The following ADCY3 variants were observed in gnomAD, a reference collection of about 807,000 sequenced individuals.
ADCY3 encodes adenylate cyclase 3.
Under a neutral mutation model 119.4 loss-of-function variants are expected in ADCY3, and 70 were observed. The ratio of observed to expected loss-of-function variants is 0.59; its 90% CI spans 0.48 to 0.72. The LOEUF is 0.72. ADCY3 is among the 30% of genes least tolerant of loss of function. ADCY3 has a pLI of 0.00. For missense variants in ADCY3, 1,238 were observed against 1,541.6 expected, an observed-to-expected ratio of 0.80 and a Z score of 3.30; for synonymous variants, 672 against 621.4, an observed-to-expected ratio of 1.08 and a Z score of -1.21.
At chr2:24,851,223 A>G (rs772649477) in intron 3 of ADCY3, among the ~76,000 whole-genome samples, 41 of 151,998 alleles carry the variant, frequency 2.7e-4, no homozygotes, top group Admixed American at 2.1e-3. Flanking sequence ...AGGAGGGGGA[A>G]CCTATGGCCA....
chr2:24,855,014 C>T (rs1406488047), intron 3 of ADCY3, among the ~76,000 whole-genome samples: 1 of 152,090 alleles, frequency 6.6e-6, no homozygotes, highest in Non-Finnish European at 1.5e-5. Flanking sequence ...TGCGCCACTG[C>T]ACTCCAGCCT....
intron 3 of ADCY3, among the ~76,000 whole-genome samples, chr2:24,863,563 T>C (rs1023896862): frequency 7.9e-5 from 12 of 152,226 alleles, no homozygotes; most frequent in African/African-American, 2.9e-4. Flanking sequence ...ATCAGTCTTT[T>C]ATTTTAGAGA....
At chr2:24,827,312 C>T (rs1024596898) in intron 15 of ADCY3, among the ~76,000 whole-genome samples, 17 of 152,204 alleles carry the variant, frequency 1.1e-4, no homozygotes, top group Admixed American at 6.5e-4. Context: ...TTTCCTGCTG[C>T]CTGTCTGTCC....
rs1262530073 is a variant in ADCY3 at position 24,878,846 on chromosome 2, C to T, written c.676-6127G>A. On this transcript the variant is annotated intron_variant, in intron 2 of 21. Transcript: ENST00000679454. The surrounding 1 kb of genome is among the most constrained non-coding windows in gnomAD (Gnocchi z 4.0). The stretch of plus-strand genomic sequence containing the variant: ...CCCCTCAGAGGCCTTCCCTGCCCAC[C>T]CCTACTCATTCTCCAGTCCTGCTTT... Among the ~76,000 whole-genome samples the T allele has an allele frequency of 2.6e-5, 4 of 152,186 alleles. No homozygotes were observed. Among genetic ancestry groups the T allele is most frequent in the Non-Finnish European group, 5.9e-5 (4 of 68,028 alleles).
In ADCY3 at chr2:24,840,001, C is replaced by T. The variant is rs1670808260; in HGVS notation, c.1227G>A (p.Val409=). The change falls in exon 7 of 22, where the codon GTG becomes GTA. Residue 409 remains valine, a synonymous_variant. Coordinates refer to ENST00000679454, the MANE Select transcript of ADCY3 (RefSeq NM_004036.5). ...SYVREKTKTG[V]DMRVGVHTGT... The stretch of plus-strand genomic sequence containing the variant: ...CCGTGTGCACCCCCACACGCATGTC[C>T]ACCCCAGTCTTGGTCTTCTCCCGCA... 6.2e-7 allele frequency: 1 copy of T among 1,613,532 alleles called. No homozygotes were observed. The highest frequency in any genetic ancestry group is 8.5e-7 in the Non-Finnish European group (1 of 1,179,770).
At chr2:24,860,532 C>A (rs757856191) in intron 3 of ADCY3, among the ~76,000 whole-genome samples, 1 of 152,170 alleles carries the variant, frequency 6.6e-6, no homozygotes, top group Non-Finnish European at 1.5e-5. Flanking sequence ...GCTCCACTAC[C>A]TCCCTGAAGG....
intron 2 of ADCY3, among the ~76,000 whole-genome samples, chr2:24,894,760 A>G (rs1465787699): frequency 6.6e-6 from 1 of 151,898 alleles, no homozygotes; most frequent in East Asian, 1.9e-4. Context: ...TTCTGCCTAA[A>G]AAACTTGCCT....
intron 3 of ADCY3, among the ~76,000 whole-genome samples, chr2:24,857,588 C>T (rs573398451): frequency 2.1e-4 from 32 of 152,286 alleles, no homozygotes; most frequent in Admixed American, 9.1e-4. Context: ...CAAGTGGCTA[C>T]CATACTGCTA....
chr2:24,839,117 T>A (rs1018053515), intron 7 of ADCY3, among the ~76,000 whole-genome samples: 1 of 152,142 alleles, frequency 6.6e-6, no homozygotes. Context: ...TAATTCTGTA[T>A]TTTTAGTAGA....
At position 24,842,404 on chromosome 2, in the gene ADCY3, G is replaced by A; in HGVS notation, c.826-20C>T. The stretch of plus-strand genomic sequence containing the variant: ...GTTCTCCTGTGAGGGGCAGGAGAGG[G>A]TCAGAGGCAAAGGTAGGCCCTGCTA... On this transcript the variant is annotated intron_variant, in intron 3 of 21. Transcript: ENST00000679454. This position sits in a 1 kb window ranked among gnomAD's most constrained non-coding sequence, Gnocchi z 4.9. 1.9e-6 allele frequency: 3 copies of A among 1,614,002 alleles called. No homozygotes were observed. Among genetic ancestry groups the A allele is most frequent in the Non-Finnish European group, 2.5e-6 (3 of 1,179,962 alleles).
At chr2:24,873,111 C>A (rs1675234893) in intron 2 of ADCY3, among the ~76,000 whole-genome samples, 1 of 152,228 alleles carries the variant, frequency 6.6e-6, no homozygotes, top group Non-Finnish European at 1.5e-5. Flanking sequence ...CGCATTTGCT[C>A]AAGCAGCACT....
chr2:24,830,421 T>C (rs1238583752), intron 13 of ADCY3, among the ~76,000 whole-genome samples: 2 of 152,296 alleles, frequency 1.3e-5, no homozygotes, highest in African/African-American at 2.4e-5. Context: ...ACAGATTAAA[T>C]GAATCAACAT....
chr2:24,893,615 C>CT (rs1298145625), intron 2 of ADCY3, among the ~76,000 whole-genome samples: 1 of 125,674 alleles, frequency 8.0e-6, no homozygotes, highest in Non-Finnish European at 1.7e-5. Flanking sequence ...TTTTTTTTTT[C>CT]TTTTTTCAAG....
chr2:24,853,426 A>G (rs1386058604), intron 3 of ADCY3, among the ~76,000 whole-genome samples: 1 of 147,926 alleles, frequency 6.8e-6, no homozygotes, highest in Non-Finnish European at 1.5e-5. Flanking sequence ...TATTGTTACA[A>G]TTGTTTTATA....
At chr2:24,877,545 G>A (rs1675864516) in intron 2 of ADCY3, among the ~76,000 whole-genome samples, 1 of 152,204 alleles carries the variant, frequency 6.6e-6, no homozygotes, top group East Asian at 1.9e-4. Flanking sequence ...CAACAGGCAG[G>A]AGGAGAGGTG....
intron 17 of ADCY3, among the ~76,000 whole-genome samples, chr2:24,823,666 T>C (rs1024700294): frequency 2.4e-4 from 35 of 148,934 alleles, no homozygotes; most frequent in Middle Eastern, 3.5e-3. Context: ...CAACTCTGAA[T>C]AATTTAAAAA....
intron 2 of ADCY3, among the ~76,000 whole-genome samples, chr2:24,913,056 C>A (rs944428776): frequency 6.6e-6 from 1 of 152,236 alleles, no homozygotes; most frequent in East Asian, 1.9e-4. Flanking sequence ...ATACTCTCCA[C>A]GGAGGGATGA....
At chr2:24,838,746 G>A in intron 7 of ADCY3, 124 bp from the exon 8 acceptor site, 3 of 1,585,900 alleles carry the variant, frequency 1.9e-6, no homozygotes, top group South Asian at 1.1e-5. Context: ...GGCATGTGGG[G>A]CAGAGGCCAA....
At chr2:24,901,274 T>C (rs1678870393) in intron 2 of ADCY3, among the ~76,000 whole-genome samples, 1 of 152,232 alleles carries the variant, frequency 6.6e-6, no homozygotes, top group Non-Finnish European at 1.5e-5. Flanking sequence ...ATGCATTTAT[T>C]TCTGCTCCAA....
Sources: allele counts gnomAD v4.1 joint callset (sites outside exome capture counted in the v4.1 genomes callset), GRCh38; gene constraint gnomAD v4.1.1; non-coding constraint Gnocchi (gnomAD v3.1); transcripts MANE v1.5; gene names NCBI Gene and HGNC (gene_info 2026-07-23, HGNC 2026-07-21).